SLC30A10: variants seen among roughly 807,000 people sequenced by gnomAD.
The protein encoded by SLC30A10 is calcium/manganese antiporter SLC30A10.
SLC30A10 carries 8 observed loss-of-function variants against 21.7 expected under a neutral mutation model. That is an observed-to-expected ratio of 0.37 (90% CI 0.22 to 0.67). The LOEUF is 0.67. Among genes scored for constraint, SLC30A10 ranks in the 30% least tolerant of loss-of-function variants. The probability of loss-of-function intolerance (pLI) is 0.58; values close to 1 mark genes in which losing one functional copy is unlikely to be tolerated. For synonymous variants in SLC30A10, 272 were observed against 279.4 expected (o/e 0.97, Z 0.26); for missense variants, 521 against 642.5 (o/e 0.81, Z 2.04).
Position 219,915,951 on chromosome 1 carries a change from A to G in SLC30A10, c.959-3T>C, listed in dbSNP as rs756472368. ...AGGCACAGCAGAGAGTTTACTCACT[A>G]TAACAGAGAAGAGCAAACAAAAGCC... On this transcript the variant is annotated splice_polypyrimidine_tract_variant and splice_region_variant and intron_variant, in intron 3 of 3. Coordinates refer to ENST00000366926, the MANE Select transcript of SLC30A10 (RefSeq NM_018713.3). 1 of 1,607,258 alleles carries G rather than the reference A, an allele frequency of 6.2e-7. No individual in the cohort carries two copies. Among genetic ancestry groups the G allele is most frequent in the South Asian group, 1.1e-5 (1 of 90,844 alleles).
rs59792236 is a variant in SLC30A10, at chr1:219,912,170, CAAAAAAAAAAAA to C, written c.*3267_*3278del. 0.015 allele frequency among the ~76,000 whole-genome samples: 1,119 copies of C among 74,772 alleles called. 28 individuals are homozygous for C. The highest frequency in any genetic ancestry group is 0.056 in the African/African-American group (1,028 of 18,350). 49.1% of individuals were successfully genotyped at this position (74,772 alleles called of 152,430 possible). A position where few individuals can be genotyped will look rare whatever the true frequency, so the allele number is the denominator to read the frequency against. On this transcript the variant is annotated 3_prime_UTR_variant, in exon 4 of 4. Coordinates refer to ENST00000366926, the MANE Select transcript of SLC30A10 (RefSeq NM_018713.3). ...CCACTGGAATTTGCTCTACCAATGG[CAAAAAAAAAAAA>C]AAAAAAAAAAAAAAGAACTAAATAT...
At chr1:219,927,767 G>A (rs1336902223) in intron 1 of SLC30A10, 34 bp downstream of exon 1, 2 of 1,466,672 alleles carry the variant, frequency 1.4e-6, no homozygotes, top group South Asian at 1.3e-5. Flanking sequence ...GGAAGGAAGG[G>A]CCAAGCGGTC....
At chr1:219,925,685 T>C (rs113520848) in intron 2 of SLC30A10, among the ~76,000 whole-genome samples, 2,069 of 117,534 alleles carry the variant, frequency 0.018, 78 homozygotes, top group African/African-American at 0.064. Flanking sequence ...AGACAGAATC[T>C]AGCTCAGTCT....
chr1:219,921,872 A>AGTGTGTGTGT lies in SLC30A10; in HGVS notation c.719-3388_719-3379dup, dbSNP rs72517767. 2.4e-3 allele frequency among the ~76,000 whole-genome samples: 340 copies of AGTGTGTGTGT among 139,506 alleles called. 1 individual carries two copies. The highest frequency in any genetic ancestry group is 8.7e-3 in the African/African-American group (313 of 35,916). 91.5% of individuals were successfully genotyped at this position (139,506 alleles called of 152,430 possible). The stretch of plus-strand genomic sequence containing the variant: ...GGCAAAATTCTGTGGGGTGTCTCTG[A>AGTGTGTGTGT]GTGTGTGTGTGTGTGTGTGTGTGTG... On this transcript the variant is annotated intron_variant, in intron 2 of 3. Transcript: ENST00000366926.
At chr1:219,933,555 G>A (rs1318445085), upstream of SLC30A10, among the ~76,000 whole-genome samples, 1 of 152,136 alleles carries the variant, frequency 6.6e-6, no homozygotes, top group African/African-American at 2.4e-5. Context: ...GTGAAATAGG[G>A]ATAATAATAG....
intron 1 of SLC30A10, among the ~76,000 whole-genome samples, chr1:219,951,718 C>T (rs535692927): frequency 6.7e-6 from 1 of 149,360 alleles, no homozygotes; most frequent in Non-Finnish European, 1.5e-5. Context: ...GAGACTCCAT[C>T]TCAAAAAAAA....
intron 1 of SLC30A10, among the ~76,000 whole-genome samples, chr1:219,936,966 A>G (rs1660053778): frequency 6.6e-6 from 1 of 152,148 alleles, no homozygotes; most frequent in Admixed American, 6.5e-5. Context: ...TGGCTTTCCA[A>G]TTTCTGAGCT....
chr1:219,925,653 T>TATATATATA (rs1558253395), intron 2 of SLC30A10, among the ~76,000 whole-genome samples: 11 of 46,242 alleles, frequency 2.4e-4, no homozygotes, highest in South Asian at 1.0e-3. Flanking sequence ...ATATATATAT[T>TATATATATA]TTTTTTTTTT....
At chr1:219,927,007 T>C in intron 2 of SLC30A10, 21 bp downstream of exon 2, 2 of 1,572,064 alleles carry the variant, frequency 1.3e-6, no homozygotes, top group East Asian at 2.2e-5. Flanking sequence ...GGATTTCAAA[T>C]AGGCCCAAAG....
At position 219,912,691 on chromosome 1, in the gene SLC30A10, G is replaced by A. The variant is rs141319383; in HGVS notation, c.*2758C>T. On this transcript the variant is annotated 3_prime_UTR_variant, in exon 4 of 4. Coordinates refer to ENST00000366926, the MANE Select transcript of SLC30A10 (RefSeq NM_018713.3). ...CTACTAAAAATACAAAAAATTAGCCGGGCATGGTGGCGAGCACCTGTAATC... is the reference window on the plus strand; with the variant it reads ...CTACTAAAAATACAAAAAATTAGCCAGGCATGGTGGCGAGCACCTGTAATC... Among the ~76,000 whole-genome samples the A allele has an allele frequency of 7.6e-3, 1,144 of 151,232 alleles. 11 individuals carry two copies. Among genetic ancestry groups the A allele is most frequent in the African/African-American group, 0.026 (1,066 of 41,336 alleles).
rs1659590956 is a variant in SLC30A10, at chr1:219,918,135, C to T, written c.958+120G>A. 7.7e-7 allele frequency: 1 copy of T among 1,296,676 alleles called. No homozygotes were observed. Among genetic ancestry groups the T allele is most frequent in the Non-Finnish European group, 1.1e-6 (1 of 931,558 alleles). The allele number at this position is 1,296,676 out of a possible 1,614,324, so 80.3% of individuals were successfully genotyped here. On this transcript the variant is annotated intron_variant, in intron 3 of 3. Coordinates refer to ENST00000366926, the MANE Select transcript of SLC30A10 (RefSeq NM_018713.3). This position sits in a 1 kb window ranked among gnomAD's most constrained non-coding sequence, Gnocchi z 4.4. ...AAACATATGATGACATCTCTACCAC[C>T]TGGTGATTTAAGGTGTTTCAGAATA...
At position 219,911,812 on chromosome 1, in the gene SLC30A10, A is replaced by G. The variant is rs1230976496; in HGVS notation, c.*3637T>C. Among the ~76,000 whole-genome samples the G allele has an allele frequency of 6.6e-6, 1 of 152,162 alleles. No individual in the cohort carries two copies. The highest frequency in any genetic ancestry group is 1.5e-5 in the Non-Finnish European group (1 of 68,032). ...TACCCTTAGTTCTACCCAGTGGCTCAGAACTTGGGGCAATTTTTTTTCCCA... is the reference window on the plus strand; with the variant it reads ...TACCCTTAGTTCTACCCAGTGGCTCGGAACTTGGGGCAATTTTTTTTCCCA... On this transcript the variant is annotated 3_prime_UTR_variant, in exon 4 of 4. Transcript: ENST00000366926.
chr1:219,956,371 G>T (rs1158912841), intron 1 of SLC30A10, among the ~76,000 whole-genome samples: 1 of 152,106 alleles, frequency 6.6e-6, no homozygotes, highest in Non-Finnish European at 1.5e-5. Flanking sequence ...AACACCAAAA[G>T]CTGCCAAAAT....
chr1:219,927,984 G>T lies in SLC30A10; in HGVS notation c.457C>A (p.Gln153Lys), dbSNP rs1364033769. ...CCLRGRSRRLQQRQQLAEGCV... is the reference protein window; with the variant it reads ...CCLRGRSRRLKQRQQLAEGCV... ...CCCTCCGCCAGCTGCTGCCGCTGCTGCAGGCGGCGACTGCGTCCCCGGAGG... is the reference window on the plus strand; with the variant it reads ...CCCTCCGCCAGCTGCTGCCGCTGCTTCAGGCGGCGACTGCGTCCCCGGAGG... Residue 153 changes from glutamine to lysine, a missense_variant, in exon 1 of 4, where the codon CAG becomes AAG. Coordinates refer to ENST00000366926, the MANE Select transcript of SLC30A10 (RefSeq NM_018713.3). The T allele has an allele frequency of 1.7e-5, 26 of 1,551,448 alleles. No individual in the cohort carries two copies. The highest frequency in any genetic ancestry group is 2.3e-5 in the Non-Finnish European group (26 of 1,148,512).
intron 2 of SLC30A10, among the ~76,000 whole-genome samples, chr1:219,919,776 C>CAA (rs34386881): frequency 8.0e-4 from 92 of 114,532 alleles, no homozygotes; most frequent in African/African-American, 2.5e-3. Context: ...AACTCTGTCT[C>CAA]AAAAAAAAAA....
Position 219,914,835 on chromosome 1 carries a change from T to G in SLC30A10, c.*614A>C, listed in dbSNP as rs1357038462. ...ATTAGTTTTCTCTCACCTCACAAAA[T>G]GTAGAGATGGCCAACGCCCTCCTAC... On this transcript the variant is annotated 3_prime_UTR_variant, in exon 4 of 4. Transcript: ENST00000366926. The G allele has an allele frequency of 6.6e-6, 1 of 152,330 alleles. No homozygotes were observed. The highest frequency in any genetic ancestry group is 1.5e-5 in the Non-Finnish European group (1 of 68,144). The allele number at this position is 152,330 out of a possible 1,614,324, so 9.4% of individuals were successfully genotyped here.
rs148203711 is a variant in SLC30A10 at position 219,915,458 on chromosome 1, C to T, written c.1449G>A (p.Thr483=). 2.0e-4 allele frequency: 330 copies of T among 1,613,094 alleles called. 1 individual carries two copies. The Middle Eastern group carries it at 5.0e-3, about 24-fold the overall frequency. The part of the protein sequence containing the change: ...TQEDQCYVNR[T]HF ...TTATGTGAGTACCAGATTAAAAATG[C>T]GTTCTGTTGACATAACATTGGTCCT... Residue 483 remains threonine, a synonymous_variant, in exon 4 of 4, where the codon ACG becomes ACA. Coordinates refer to ENST00000366926, the MANE Select transcript of SLC30A10 (RefSeq NM_018713.3).
intron 1 of SLC30A10, among the ~76,000 whole-genome samples, chr1:219,946,313 G>A (rs1322525527): frequency 6.6e-6 from 1 of 152,130 alleles, no homozygotes; most frequent in Non-Finnish European, 1.5e-5. Context: ...CAGTCATTGA[G>A]GGTATCTAAA....
chr1:219,927,663 A>ACAAC (rs1239586894), intron 1 of SLC30A10, 138 bp downstream of exon 1: 21 of 372,972 alleles, frequency 5.6e-5, no homozygotes, highest in Admixed American at 8.8e-5. Flanking sequence ...AAAAAAAAAA[A>ACAAC]AAAAACAACA....
Sources: allele counts gnomAD v4.1 joint callset (sites outside exome capture counted in the v4.1 genomes callset), GRCh38; gene constraint gnomAD v4.1.1; non-coding constraint Gnocchi (gnomAD v3.1); transcripts MANE v1.5; gene names NCBI Gene and HGNC (gene_info 2026-07-23, HGNC 2026-07-21).